Variants in SLC23A2 observed in about 807,000 individuals in gnomAD.
SLC23A2 encodes the protein solute carrier family 23 member 2.
Under a neutral mutation model 73.3 loss-of-function variants are expected in SLC23A2, and 36 were observed. That is an observed-to-expected ratio of 0.49 (90% CI 0.38 to 0.65). The LOEUF is 0.65. Among genes scored for constraint, SLC23A2 ranks in the 30% least tolerant of loss-of-function variants. The pLI is 0.00. For missense variants in SLC23A2, 507 were observed against 841.6 expected, an observed-to-expected ratio of 0.60 and a Z score of 4.92; for synonymous variants, 343 against 327.3, an observed-to-expected ratio of 1.05 and a Z score of -0.52.
At chr20:4,865,934 G>A (rs535898702) in intron 13 of SLC23A2, among the ~76,000 whole-genome samples, 1 of 152,122 alleles carries the variant, frequency 6.6e-6, no homozygotes, top group South Asian at 2.1e-4. Flanking sequence ...CTGGGTTCAA[G>A]TGACTCTCCT....
At chr20:4,953,320 A>G (rs1568639906) in intron 2 of SLC23A2, among the ~76,000 whole-genome samples, 1 of 152,010 alleles carries the variant, frequency 6.6e-6, no homozygotes, top group Non-Finnish European at 1.5e-5. Context: ...TAATAATAAT[A>G]AAATTAAATT....
intron 2 of SLC23A2, among the ~76,000 whole-genome samples, chr20:4,946,946 AG>A (rs1480018640): frequency 6.6e-6 from 1 of 152,218 alleles, no homozygotes; most frequent in Non-Finnish European, 1.5e-5. Context: ...GGTATCTTTC[AG>A]CAGAAGTTTT....
chr20:4,880,407 T>A (rs1184535359), intron 9 of SLC23A2, among the ~76,000 whole-genome samples: 2 of 151,986 alleles, frequency 1.3e-5, no homozygotes, highest in Non-Finnish European at 2.9e-5. Flanking sequence ...GAGCACCAGC[T>A]CAGCCACGGG....
At chr20:4,960,599 GCGCACA>G (rs1308291118) in intron 2 of SLC23A2, among the ~76,000 whole-genome samples, 1 of 152,158 alleles carries the variant, frequency 6.6e-6, no homozygotes, top group Non-Finnish European at 1.5e-5. Context: ...TGTAGCGCAC[GCGCACA>G]CGCACACACA....
chr20:4,916,778 T>A (rs895408804), intron 3 of SLC23A2, among the ~76,000 whole-genome samples: 2 of 152,212 alleles, frequency 1.3e-5, no homozygotes, highest in African/African-American at 4.8e-5. Context: ...CCCTCTGCTC[T>A]TCACTTCAGT....
At chr20:4,967,708 C>T (rs2087495602) in intron 2 of SLC23A2, among the ~76,000 whole-genome samples, 1 of 152,296 alleles carries the variant, frequency 6.6e-6, no homozygotes, top group African/African-American at 2.4e-5. Context: ...AAATCAGGCA[C>T]CAATAAAATA....
At chr20:4,927,942 T>A (rs995316839) in intron 3 of SLC23A2, among the ~76,000 whole-genome samples, 5 of 152,182 alleles carry the variant, frequency 3.3e-5, no homozygotes, top group Admixed American at 2.6e-4. Flanking sequence ...TCCCTGTCAA[T>A]GGGCAAATCA....
intron 2 of SLC23A2, among the ~76,000 whole-genome samples, chr20:4,965,966 C>CAAAAAAAAA: frequency 1.0e-5 from 1 of 100,066 alleles, no homozygotes; most frequent in Non-Finnish European, 1.9e-5. Context: ...GACTCCATCT[C>CAAAAAAAAA]AAAAAAAAAA....
chr20:4,962,065 C>T (rs2087399876), intron 2 of SLC23A2, among the ~76,000 whole-genome samples: 1 of 151,208 alleles, frequency 6.6e-6, no homozygotes, highest in African/African-American at 2.4e-5. Context: ...GAGGTCATGG[C>T]TGAGAGTAAA....
At chr20:5,004,781 C>T (rs929175613), upstream of SLC23A2, among the ~76,000 whole-genome samples, 49 of 152,178 alleles carry the variant, frequency 3.2e-4, no homozygotes, top group African/African-American at 1.2e-3. Flanking sequence ...AGGTGGATCA[C>T]CTGAGGTCGG....
intron 4 of SLC23A2, among the ~76,000 whole-genome samples, chr20:4,903,141 A>C (rs563881829): frequency 6.6e-6 from 1 of 152,332 alleles, no homozygotes; most frequent in South Asian, 2.1e-4. Context: ...AAAAAACAAA[A>C]CATTAAAAAT....
intron 9 of SLC23A2, among the ~76,000 whole-genome samples, chr20:4,879,011 G>A (rs1238156208): frequency 1.3e-5 from 2 of 152,134 alleles, no homozygotes; most frequent in Admixed American, 6.5e-5. Flanking sequence ...AATGATACCC[G>A]TGATAATAAA....
chr20:4,890,554 A>T (rs1568611337), intron 6 of SLC23A2, among the ~76,000 whole-genome samples: 1 of 152,136 alleles, frequency 6.6e-6, no homozygotes, highest in Admixed American at 6.5e-5. Flanking sequence ...TGGGAGGCTG[A>T]GGCAGAGGAA....
At position 4,869,928 on chromosome 20, in the gene SLC23A2, G is replaced by C. The variant is rs760957935; in HGVS notation, c.1228C>G (p.Pro410Ala). The change falls in exon 12 of 17, where the codon CCC becomes GCC. Residue 410 changes from proline (P) to alanine (A), a missense_variant. By Grantham distance (27) the Pro-to-Ala change is conservative. Coordinates refer to ENST00000338244, the MANE Select transcript of SLC23A2 (RefSeq NM_005116.6). ...ACARLSCAPP[P>A]PIHAINRGIF... ...TACCTGTTTATTGCGTGGATGGGGG[G>C]GGGTGGGGCACAGGACAGCCGTGCA... 4 of 1,608,310 alleles carry C rather than the reference G, an allele frequency of 2.5e-6. No homozygotes were observed. Among genetic ancestry groups the C allele is most frequent in the African/African-American group, 2.7e-5 (2 of 74,704 alleles).
chr20:4,920,678 C>T (rs946272992), intron 3 of SLC23A2, among the ~76,000 whole-genome samples: 7 of 152,142 alleles, frequency 4.6e-5, no homozygotes, highest in African/African-American at 1.7e-4. Context: ...ATCTGTATAT[C>T]AGAAAGTGAA....
At position 4,872,787 on chromosome 20, in the gene SLC23A2, C is replaced by T. The variant is rs2122800379; in HGVS notation, c.1102+1149G>A. Among the ~76,000 whole-genome samples the T allele has an allele frequency of 1.3e-5, 2 of 152,044 alleles. No individual in the cohort carries two copies. The highest frequency in any genetic ancestry group is 6.8e-3 in the Middle Eastern group (2 of 294). On this transcript the variant is annotated intron_variant, in intron 11 of 16. Transcript: ENST00000338244. This position sits in a 1 kb window ranked among gnomAD's most constrained non-coding sequence, Gnocchi z 4.4. ...AACTTTTTTTTTTGAGACAGTCTTG[C>T]TCTGTCTCCCAGGCTGAAGTGCAGT...
In SLC23A2 at chr20:4,954,454, T is replaced by C. The variant is rs1264391084; in HGVS notation, c.-155+16339A>G. On this transcript the variant is annotated intron_variant, in intron 2 of 16. Transcript: ENST00000338244. ...GCTCATGCCTGTAATCCCAGCACTT[T>C]AGGAGGCCAAGGCAGGTGGATCACC... Among the ~76,000 whole-genome samples, 6 of 152,186 alleles carry C rather than the reference T, an allele frequency of 3.9e-5. 2 individuals carry two copies. In the South Asian group the frequency reaches 1.0e-3, roughly 26 times the overall value.
At chr20:4,993,153 G>A (rs1231825356) in intron 1 of SLC23A2, among the ~76,000 whole-genome samples, 4 of 151,692 alleles carry the variant, frequency 2.6e-5, no homozygotes, top group Non-Finnish European at 4.4e-5. Flanking sequence ...GCATGGTAGC[G>A]GGCGCCTGCA....
At chr20:4,891,504 T>C (rs925924493) in intron 6 of SLC23A2, among the ~76,000 whole-genome samples, 5 of 152,228 alleles carry the variant, frequency 3.3e-5, no homozygotes, top group African/African-American at 1.2e-4. Context: ...TACAGCTTTC[T>C]GATGGCCTCT....
Sources: gnomAD v4.1 joint callset for allele counts (sites outside exome capture counted in the v4.1 genomes callset) on GRCh38, gnomAD v4.1.1 for gene constraint, Gnocchi (gnomAD v3.1) non-coding constraint, MANE v1.5 for transcripts, NCBI Gene and HGNC (gene_info 2026-07-23, HGNC 2026-07-21) for gene names.